CSMD1: variants seen among roughly 807,000 people sequenced by gnomAD.
CSMD1 encodes CUB and Sushi multiple domains 1.
In CSMD1, 213 loss-of-function variants were observed where a neutral mutation model predicts 417.5. That is an observed-to-expected ratio of 0.51 (90% CI 0.46 to 0.57). The LOEUF (loss-of-function observed/expected upper bound fraction) is 0.57. Among genes scored for constraint, CSMD1 ranks in the 20% least tolerant of loss-of-function variants. The probability of loss-of-function intolerance (pLI) is 0.00; values close to 1 mark genes in which losing one functional copy is unlikely to be tolerated. For missense variants in CSMD1, 6,923 were observed against 4,529.7 expected (o/e 1.53, Z -15.17); for synonymous variants, 2,862 against 1,736.8 (o/e 1.65, Z -16.11).
chr8:4,673,769 C>A (rs1439560690), intron 1 of CSMD1, among the ~76,000 whole-genome samples: 2 of 152,092 alleles, frequency 1.3e-5, no homozygotes, highest in Non-Finnish European at 2.9e-5. Context: ...AAAGGTCACA[C>A]ATTGTATGAT....
At chr8:4,609,812 G>A (rs2725045) in intron 2 of CSMD1, among the ~76,000 whole-genome samples, 2 of 151,908 alleles carry the variant, frequency 1.3e-5, no homozygotes, top group African/African-American at 4.8e-5. Context: ...GAGAATATAC[G>A]ATAAAACCAA....
At position 3,760,880 on chromosome 8, in the gene CSMD1, G is replaced by C. The variant is rs553503880; in HGVS notation, c.819-6838C>G. Among the ~76,000 whole-genome samples, 15 of 152,248 alleles carry C rather than the reference G, an allele frequency of 9.9e-5. 1 individual carries two copies. Among genetic ancestry groups the C allele is most frequent in the South Asian group, 6.2e-4 (3 of 4,818 alleles). ...TGATCTCTGCCCACAGGGGGACTAA[G>C]AAATTTAATAAACCTATTACTTGGA... On this transcript the variant is annotated intron_variant, in intron 5 of 69. Coordinates refer to ENST00000635120, the MANE Select transcript of CSMD1 (RefSeq NM_033225.6).
intron 18 of CSMD1, among the ~76,000 whole-genome samples, chr8:3,371,988 GA>G (rs1809984070): frequency 1.3e-5 from 2 of 152,158 alleles, no homozygotes; most frequent in African/African-American, 4.8e-5. Context: ...AATAATAAGA[GA>G]GATAAAATAT....
intron 1 of CSMD1, among the ~76,000 whole-genome samples, chr8:4,894,574 A>AAG (rs1804353631): frequency 5.3e-5 from 8 of 151,938 alleles, no homozygotes; most frequent in Admixed American, 5.2e-4. Flanking sequence ...AAAAAAAAAA[A>AAG]AGCTACATTG....
intron 3 of CSMD1, among the ~76,000 whole-genome samples, chr8:4,179,464 C>G (rs1413991626): frequency 1.3e-5 from 2 of 151,508 alleles, no homozygotes; most frequent in Non-Finnish European, 2.9e-5. Context: ...AGACCTAAAA[C>G]CATAAAAACC....
At position 4,648,781 on chromosome 8, in the gene CSMD1, C is replaced by T. The variant is rs533591061; in HGVS notation, c.86-11223G>A. Among the ~76,000 whole-genome samples the T allele has an allele frequency of 4.6e-5, 7 of 152,290 alleles. No homozygotes were observed. In the South Asian group the frequency reaches 1.4e-3, roughly 32 times the overall value. On this transcript the variant is annotated intron_variant, in intron 1 of 69. Coordinates refer to ENST00000635120, the MANE Select transcript of CSMD1 (RefSeq NM_033225.6). ...CTACTCCATTATGTTGGAGTTGAGACATCAGATGCCGGCTGATGCCACCCC... is the reference window on the plus strand; with the variant it reads ...CTACTCCATTATGTTGGAGTTGAGATATCAGATGCCGGCTGATGCCACCCC...
At chr8:3,582,690 G>T (rs796597260) in intron 9 of CSMD1, among the ~76,000 whole-genome samples, 1 of 151,976 alleles carries the variant, frequency 6.6e-6, no homozygotes, top group Admixed American at 6.6e-5. Flanking sequence ...CCAAAACAAA[G>T]TATGAAAAAA....
At chr8:3,706,862 C>T (rs11997333) in intron 7 of CSMD1, among the ~76,000 whole-genome samples, 1 of 151,776 alleles carries the variant, frequency 6.6e-6, no homozygotes, top group Non-Finnish European at 1.5e-5. Flanking sequence ...TTTAAAAAAC[C>T]CTTTATTCCT....
At chr8:3,408,434 C>A (rs909592790) in intron 13 of CSMD1, among the ~76,000 whole-genome samples, 1 of 152,154 alleles carries the variant, frequency 6.6e-6, no homozygotes, top group Non-Finnish European at 1.5e-5. Flanking sequence ...TAGAGCACAA[C>A]CAGAACCTAT....
chr8:3,566,956 T>A (rs1799740057), intron 10 of CSMD1, among the ~76,000 whole-genome samples: 1 of 152,208 alleles, frequency 6.6e-6, no homozygotes, highest in Non-Finnish European at 1.5e-5. Flanking sequence ...AATTGTTCTA[T>A]CATAAAGACA....
chr8:3,078,013 T>A (rs1359536389), intron 49 of CSMD1, among the ~76,000 whole-genome samples: 1 of 152,274 alleles, frequency 6.6e-6, no homozygotes, highest in Non-Finnish European at 1.5e-5. Flanking sequence ...GATCCCTTTG[T>A]TTGCTTTGTG....
At chr8:4,249,833 G>T (rs1056809097) in intron 3 of CSMD1, among the ~76,000 whole-genome samples, 1 of 152,248 alleles carries the variant, frequency 6.6e-6, no homozygotes, top group Non-Finnish European at 1.5e-5. Flanking sequence ...TGGTGCTGTG[G>T]TTTGAATGTG....
intron 20 of CSMD1, among the ~76,000 whole-genome samples, chr8:3,364,568 T>A (rs927031952): frequency 6.6e-6 from 1 of 152,180 alleles, no homozygotes; most frequent in African/African-American, 2.4e-5. Context: ...TTACCCAAAA[T>A]CCATGTGCTG....
intron 3 of CSMD1, among the ~76,000 whole-genome samples, chr8:4,254,903 G>C (rs555969942): frequency 1.3e-5 from 2 of 152,112 alleles, no homozygotes; most frequent in South Asian, 2.1e-4. Flanking sequence ...TTCCCGATGA[G>C]GCATTTCTCA....
chr8:3,150,365 T>C (rs1328751866), intron 40 of CSMD1, among the ~76,000 whole-genome samples: 4 of 152,176 alleles, frequency 2.6e-5, no homozygotes, highest in African/African-American at 9.7e-5. Context: ...GGAACAGTCA[T>C]GTTGGTCAAC....
chr8:3,755,162 C>G (rs1028412160), intron 5 of CSMD1, among the ~76,000 whole-genome samples: 1 of 152,290 alleles, frequency 6.6e-6, no homozygotes, highest in Non-Finnish European at 1.5e-5. Flanking sequence ...GCGCAAGGGA[C>G]ACATTTAGTT....
chr8:4,155,349 G>A (rs1352974767), intron 3 of CSMD1, among the ~76,000 whole-genome samples: 2 of 152,156 alleles, frequency 1.3e-5, no homozygotes, highest in African/African-American at 2.4e-5. Context: ...CTCCCGCAGG[G>A]TAAACAGCCA....
intron 17 of CSMD1, among the ~76,000 whole-genome samples, chr8:3,391,283 C>G (rs1181337901): frequency 6.6e-6 from 1 of 152,294 alleles, no homozygotes; most frequent in South Asian, 2.1e-4. Flanking sequence ...AGAGTATGTA[C>G]ATTTACAAGT....
chr8:4,820,586 A>C (rs1393030810), intron 1 of CSMD1, among the ~76,000 whole-genome samples: 2 of 152,184 alleles, frequency 1.3e-5, no homozygotes, highest in East Asian at 3.9e-4. Context: ...AAATGCGTGA[A>C]AACAAACGGG....
Sources: gnomAD v4.1 joint callset for allele counts (sites outside exome capture counted in the v4.1 genomes callset) on GRCh38, gnomAD v4.1.1 for gene constraint, MANE v1.5 for transcripts, NCBI Gene and HGNC (gene_info 2026-07-23, HGNC 2026-07-21) for gene names.